ZFAND3: variants seen among roughly 807,000 people sequenced by gnomAD.
ZFAND3 encodes AN1-type zinc finger protein 3.
Under a neutral mutation model 29.6 loss-of-function variants are expected in ZFAND3, and 10 were observed. The observed-to-expected ratio is 0.34, with a 90% CI of 0.21 to 0.57. ZFAND3 has a LOEUF of 0.57. ZFAND3 is among the 20% of genes least tolerant of loss of function. ZFAND3 has a pLI of 0.86. For synonymous variants in ZFAND3, 128 were observed against 112.6 expected (o/e 1.14, Z -0.87); for missense variants, 230 against 304.5 (o/e 0.76, Z 1.82).
intron 1 of ZFAND3, among the ~76,000 whole-genome samples, chr6:37,873,086 T>G (rs1302733258): frequency 6.6e-6 from 1 of 151,842 alleles, no homozygotes; most frequent in Non-Finnish European, 1.5e-5. Context: ...GTGAAACACC[T>G]TCTCTACTTA....
chr6:37,902,441 C>A (rs1265509895), intron 1 of ZFAND3, among the ~76,000 whole-genome samples: 1 of 152,104 alleles, frequency 6.6e-6, no homozygotes, highest in Non-Finnish European at 1.5e-5. Context: ...CCACTGCACT[C>A]TAGCCTGCCA....
At chr6:37,919,828 A>G (rs187048170) in intron 1 of ZFAND3, among the ~76,000 whole-genome samples, 1 of 152,192 alleles carries the variant, frequency 6.6e-6, no homozygotes, top group African/African-American at 2.4e-5. Flanking sequence ...TGTAACCATG[A>G]CAAAGTATCC....
chr6:37,954,693 G>A (rs9462372), intron 2 of ZFAND3, among the ~76,000 whole-genome samples: 5 of 152,104 alleles, frequency 3.3e-5, no homozygotes, highest in Middle Eastern at 3.4e-3. Flanking sequence ...TCGTTGCATT[G>A]GATATTTTTG....
chr6:37,896,513 CTTTT>C (rs1765207431), intron 1 of ZFAND3, among the ~76,000 whole-genome samples: 1 of 89,424 alleles, frequency 1.1e-5, no homozygotes, highest in African/African-American at 4.3e-5. Context: ...TTTCCTCTTT[CTTTT>C]CTTTCTTTCT....
In ZFAND3 at chr6:38,152,285, T is replaced by G; in HGVS notation, c.580T>G (p.Phe194Val). ...HRLPEQHDCT[F>V]DHMGRGREEA... ...CCTCCCCGAGCAGCACGACTGCACA[T>G]TCGACCACATGGGCCGTGGCCGGGA... Residue 194 changes from phenylalanine to valine, a missense_variant, in exon 6 of 6, where the codon TTC becomes GTC. Phe to Val is a conservative substitution (Grantham distance 50, BLOSUM62 -1). Transcript: ENST00000287218. The G allele has an allele frequency of 6.2e-7, 1 of 1,606,276 alleles. No homozygotes were observed. Among genetic ancestry groups the G allele is most frequent in the Non-Finnish European group, 8.5e-7 (1 of 1,176,808 alleles).
intron 1 of ZFAND3, among the ~76,000 whole-genome samples, chr6:37,879,676 T>C (rs955280929): frequency 3.9e-5 from 6 of 152,196 alleles, no homozygotes; most frequent in African/African-American, 1.4e-4. Context: ...ATGAGCATGC[T>C]TTTTCTCAAT....
intron 2 of ZFAND3, among the ~76,000 whole-genome samples, chr6:38,016,169 T>A (rs1458157982): frequency 6.6e-6 from 1 of 152,224 alleles, no homozygotes; most frequent in African/African-American, 2.4e-5. Context: ...TATCCACTTG[T>A]TAGCCATCTG....
intron 2 of ZFAND3, among the ~76,000 whole-genome samples, chr6:37,940,259 C>T (rs530330607): frequency 6.6e-6 from 1 of 152,160 alleles, no homozygotes; most frequent in Non-Finnish European, 1.5e-5. Flanking sequence ...GTTTCAGATA[C>T]TTAGCGTAAT....
chr6:37,856,011 T>TG lies in ZFAND3; in HGVS notation c.71+35995_71+35996insG, dbSNP rs549796996. Among the ~76,000 whole-genome samples the TG allele has an allele frequency of 4.3e-3, 625 of 145,946 alleles. 5 individuals carry two copies. Among genetic ancestry groups the TG allele is most frequent in the African/African-American group, 0.015 (588 of 40,162 alleles). ...CATAAAACCTTGGTGGTAGTTCTGGTTTTTTTTTTTTCTTCTTCTTTTTTT... is the reference window on the plus strand; with the variant it reads ...CATAAAACCTTGGTGGTAGTTCTGGTGTTTTTTTTTTTCTTCTTCTTTTTTT... On this transcript the variant is annotated intron_variant, in intron 1 of 5. Coordinates refer to ENST00000287218, the MANE Select transcript of ZFAND3 (RefSeq NM_021943.3).
intron 2 of ZFAND3, among the ~76,000 whole-genome samples, chr6:38,018,751 T>C (rs2842529): frequency 0.32 from 48,512 of 152,042 alleles, 8,166 homozygotes; most frequent in Non-Finnish European, 0.38. Flanking sequence ...CAGTTATTAT[T>C]TGTGTATGTA....
rs555285964 is a variant in ZFAND3 at position 38,124,257 on chromosome 6, T to C, written c.529+7518T>C. Among the ~76,000 whole-genome samples the C allele has an allele frequency of 4.6e-5, 7 of 152,376 alleles. No homozygotes were observed. The South Asian group carries it at 1.4e-3, about 32-fold the overall frequency. On this transcript the variant is annotated intron_variant, in intron 5 of 5. Transcript: ENST00000287218. ...TCCCCACTAGACTCAGGAGCCCAGCTGGCTTCACCCAGTGGATACCGCACT... is the reference window on the plus strand; with the variant it reads ...TCCCCACTAGACTCAGGAGCCCAGCCGGCTTCACCCAGTGGATACCGCACT...
intron 2 of ZFAND3, among the ~76,000 whole-genome samples, chr6:37,974,310 C>T (rs577475106): frequency 2.6e-5 from 4 of 151,978 alleles, no homozygotes; most frequent in Non-Finnish European, 5.9e-5. Flanking sequence ...GTGATCTGCC[C>T]TCCTCGGCCT....
chr6:37,990,995 T>G (rs1169055722), intron 2 of ZFAND3, among the ~76,000 whole-genome samples: 5 of 152,252 alleles, frequency 3.3e-5, no homozygotes, highest in Non-Finnish European at 7.3e-5. Flanking sequence ...CAGTCAGGGA[T>G]AAGAGTTTGT....
chr6:38,072,031 C>T (rs1489767240), intron 3 of ZFAND3, among the ~76,000 whole-genome samples: 2 of 151,960 alleles, frequency 1.3e-5, no homozygotes, highest in Non-Finnish European at 2.9e-5. Context: ...CAAGACAAAG[C>T]AACTCAAAAA....
At chr6:38,149,068 CT>C (rs1037210743) in intron 5 of ZFAND3, among the ~76,000 whole-genome samples, 6 of 152,072 alleles carry the variant, frequency 3.9e-5, no homozygotes, top group Admixed American at 3.3e-4. Flanking sequence ...AAAATGCAAG[CT>C]GGCTGGGCGT....
At chr6:38,126,299 T>C (rs542042294) in intron 5 of ZFAND3, among the ~76,000 whole-genome samples, 69 of 152,362 alleles carry the variant, frequency 4.5e-4, no homozygotes, top group African/African-American at 1.6e-3. Flanking sequence ...GTTTATCCAT[T>C]TGCCAGTCGA....
At chr6:38,065,145 C>T (rs1010122290) in intron 3 of ZFAND3, among the ~76,000 whole-genome samples, 5 of 151,930 alleles carry the variant, frequency 3.3e-5, no homozygotes, top group East Asian at 3.9e-4. Flanking sequence ...GGTGAAACCC[C>T]GTCTCTACAA....
chr6:38,008,728 C>T (rs75174287), intron 2 of ZFAND3, among the ~76,000 whole-genome samples: 3,085 of 152,080 alleles, frequency 0.02, 95 homozygotes, highest in African/African-American at 0.071. Context: ...CCTATCCTTA[C>T]GCAGGATTGT....
chr6:37,882,473 A>G (rs757126578), intron 1 of ZFAND3, among the ~76,000 whole-genome samples: 16 of 152,104 alleles, frequency 1.1e-4, no homozygotes, highest in African/African-American at 2.9e-4. Flanking sequence ...ATGGCAAGCT[A>G]TGTTTTTCTG....
Sources: gnomAD v4.1 joint callset for allele counts (sites outside exome capture counted in the v4.1 genomes callset) on GRCh38, gnomAD v4.1.1 for gene constraint, MANE v1.5 for transcripts, NCBI Gene and HGNC (gene_info 2026-07-23, HGNC 2026-07-21) for gene names.